Variants in CNNM1 observed in about 807,000 individuals in gnomAD.
CNNM1 encodes metal transporter CNNM1.
A neutral mutation model predicts 78.8 loss-of-function variants in CNNM1; 44 were observed. The ratio of observed to expected loss-of-function variants is 0.56; its 90% CI spans 0.44 to 0.72. CNNM1 has a LOEUF of 0.72. CNNM1 is among the 30% of genes least tolerant of loss of function. The pLI is 0.00. For missense variants in CNNM1, 1,101 were observed against 1,292.2 expected (o/e 0.85, Z 2.27); for synonymous variants, 584 against 581.5 (o/e 1.00, Z -0.06).
chr10:99,335,907 C>G (rs1488816360), intron 1 of CNNM1, among the ~76,000 whole-genome samples: 1 of 152,238 alleles, frequency 6.6e-6, no homozygotes, highest in Middle Eastern at 3.2e-3. Flanking sequence ...CTCTGGTCCT[C>G]TCTTCTTAGA....
chr10:99,371,711 G>T (rs1165712523), intron 6 of CNNM1, among the ~76,000 whole-genome samples: 5 of 152,142 alleles, frequency 3.3e-5, no homozygotes, highest in Admixed American at 3.3e-4. Context: ...GTTCATCTGG[G>T]ATCCTAACTT....
chr10:99,362,667 A>C (rs867785240), intron 4 of CNNM1, among the ~76,000 whole-genome samples: 1 of 152,196 alleles, frequency 6.6e-6, no homozygotes, highest in Non-Finnish European at 1.5e-5. Context: ...GGGGTTCTGC[A>C]TCTAAACTTC....
Position 99,390,336 on chromosome 10 carries a change from T to C in CNNM1, c.2705T>C (p.Leu902Pro), listed in dbSNP as rs938602996. The C allele has an allele frequency of 4.3e-6, 7 of 1,613,234 alleles. No homozygotes were observed. Among genetic ancestry groups the C allele is most frequent in the Non-Finnish European group, 5.9e-6 (7 of 1,179,638 alleles). Residue 902 changes from leucine (L) to proline (P), a missense_variant, in exon 10 of 11, where the codon CTG (leucine) becomes CCG (proline). By Grantham distance (98) the Leu-to-Pro change is moderately conservative. This residue lies in a region of CNNM1 where 348 missense variants were observed against 384.5 expected (regional missense o/e 0.90). Coordinates refer to ENST00000356713, the MANE Select transcript of CNNM1 (RefSeq NM_020348.3). ...GATAGTGAATGTTGTAACATCAACCTGGATACAGAGACCAGCCCCTGCAGT... is the reference window on the plus strand; with the variant it reads ...GATAGTGAATGTTGTAACATCAACCCGGATACAGAGACCAGCCCCTGCAGT... Reference protein sequence around the residue: ...ASDSECCNINLDTETSPCSSD... With the variant: ...ASDSECCNINPDTETSPCSSD...
At chr10:99,381,699 C>T (rs1335604765) in intron 7 of CNNM1, among the ~76,000 whole-genome samples, 3 of 150,734 alleles carry the variant, frequency 2.0e-5, no homozygotes. Flanking sequence ...CCGAGATCGG[C>T]GCCACTGCAC....
rs1268766887 is a variant in CNNM1, at chr10:99,330,089, C to T, written c.702C>T (p.Ala234=). ...CGCTCGGGGCGCTCCTGCTGCTAGC[C>T]TTGTCGGCCCTGTTCAGCGGCCTGC... ...LRALGALLLL[A]LSALFSGLRL... The change falls in exon 1 of 11, where the codon GCC becomes GCT. Residue 234 remains alanine, a synonymous_variant. Coordinates refer to ENST00000356713, the MANE Select transcript of CNNM1 (RefSeq NM_020348.3). 1 of 1,540,086 alleles carries T rather than the reference C, an allele frequency of 6.5e-7. No homozygotes were observed.
At chr10:99,362,427 G>A (rs776671800) in intron 4 of CNNM1, 31 bp downstream of exon 4, 3 of 1,594,886 alleles carry the variant, frequency 1.9e-6, no homozygotes, top group Non-Finnish European at 2.6e-6. Context: ...ACCTCTGAGA[G>A]CCAGAGGAGG....
chr10:99,333,933 C>T (rs1230810485), intron 1 of CNNM1, among the ~76,000 whole-genome samples: 2 of 152,118 alleles, frequency 1.3e-5, no homozygotes, highest in Non-Finnish European at 2.9e-5. Context: ...AGGTAGAGCA[C>T]TAAAGAGAAG....
rs182742018 is a variant in CNNM1 at position 99,377,298 on chromosome 10, A to G, written c.2340+80A>G. On this transcript the variant is annotated intron_variant, in intron 7 of 10. Transcript: ENST00000356713. ...TGAGCGGGACAAGAAGACTACCCCC[A>G]TTCCTAGGAGGGATGTGTGCACCAT... is the stretch of plus-strand genomic sequence containing the variant. The G allele has an allele frequency of 3.0e-6, 4 of 1,353,782 alleles. No homozygotes were observed. In the East Asian group the frequency reaches 7.1e-5, roughly 24 times the overall value. 83.9% of individuals were successfully genotyped at this position (1,353,782 alleles called of 1,614,324 possible).
chr10:99,352,497 G>T (rs2030983390), intron 1 of CNNM1, among the ~76,000 whole-genome samples: 2 of 152,088 alleles, frequency 1.3e-5, no homozygotes, highest in South Asian at 4.2e-4. Context: ...ATGTCTGAGA[G>T]GTTCAATTTT....
rs2134007009 is a variant in CNNM1 at position 99,330,171 on chromosome 10, T to C, written c.784T>C (p.Ser262Pro). 1 of 1,522,614 alleles carries C rather than the reference T, an allele frequency of 6.6e-7. No homozygotes were observed. Among genetic ancestry groups the C allele is most frequent in the Non-Finnish European group, 8.8e-7 (1 of 1,140,466 alleles). 94.3% of individuals were successfully genotyped at this position (1,522,614 alleles called of 1,614,324 possible). ...GTTACGGGTGCTGCGGAACAGCGGC[T>C]CGGCCGCCGAGCAGGAGCAGGCGCG... is the stretch of plus-strand genomic sequence containing the variant. ...VELRVLRNSGSAAEQEQARRV... is the reference protein window; with the variant it reads ...VELRVLRNSGPAAEQEQARRV... Residue 262 changes from serine (S) to proline (P), a missense_variant, in exon 1 of 11, where the codon TCG (serine) becomes CCG (proline). Physicochemically the swap from Ser to Pro is moderately conservative, Grantham distance 74. Around this residue, in one of 3 missense-constraint regions of CNNM1, gnomAD observed 476 missense variants for 484.5 expected, o/e 0.98. Transcript: ENST00000356713.
Position 99,381,667 on chromosome 10 carries a change from A to G in CNNM1, c.2340+4449A>G, listed in dbSNP as rs563249335. Among the ~76,000 whole-genome samples, 28 of 151,536 alleles carry G rather than the reference A, an allele frequency of 1.8e-4. 1 individual carries two copies. In the South Asian group the frequency reaches 3.8e-3, roughly 20 times the overall value. ...TGAGGCAGGAGAATTGCTTGAACCC[A>G]GGAGGCGGAGGTTGCGGTGAGCCGA... is the stretch of plus-strand genomic sequence containing the variant. On this transcript the variant is annotated intron_variant, in intron 7 of 10. Transcript: ENST00000356713.
At chr10:99,383,521 C>G (rs1389903743) in intron 7 of CNNM1, among the ~76,000 whole-genome samples, 1 of 152,190 alleles carries the variant, frequency 6.6e-6, no homozygotes, top group Non-Finnish European at 1.5e-5. Context: ...ATCCGCCCGC[C>G]TCGGCCTCCC....
intron 7 of CNNM1, among the ~76,000 whole-genome samples, chr10:99,383,208 G>A (rs1270694692): frequency 2.6e-5 from 4 of 152,156 alleles, no homozygotes; most frequent in African/African-American, 4.8e-5. Context: ...AAATAATAGT[G>A]ACCAATGCAG....
chr10:99,343,817 C>T (rs1448100820), intron 1 of CNNM1, among the ~76,000 whole-genome samples: 5 of 151,876 alleles, frequency 3.3e-5, no homozygotes, highest in Non-Finnish European at 7.4e-5. Flanking sequence ...TGGGTTCAAG[C>T]GATTCTCCTG....
At chr10:99,365,271 T>C (rs191530687) in intron 6 of CNNM1, 1 of 582,848 alleles carries the variant, frequency 1.7e-6, no homozygotes, top group Non-Finnish European at 3.1e-6. Flanking sequence ...GCACTGCTTA[T>C]TGCCACCTTC....
At chr10:99,348,043 T>C (rs1320218697) in intron 1 of CNNM1, among the ~76,000 whole-genome samples, 2 of 120,778 alleles carry the variant, frequency 1.7e-5, no homozygotes, top group African/African-American at 1.0e-4. Flanking sequence ...TGTGTGTATA[T>C]ATATATATTT....
At chr10:99,346,491 A>G (rs1170467971) in intron 1 of CNNM1, among the ~76,000 whole-genome samples, 2 of 152,178 alleles carry the variant, frequency 1.3e-5, no homozygotes, top group African/African-American at 4.8e-5. Context: ...TATGACCTCT[A>G]AATGTTACAG....
At chr10:99,364,902 G>A in intron 5 of CNNM1, 53 bp from the exon 6 acceptor site, 1 of 1,553,412 alleles carries the variant, frequency 6.4e-7, no homozygotes, top group Non-Finnish European at 8.8e-7. Context: ...ATTCCCATAA[G>A]AAGTGTGTTT....
intron 7 of CNNM1, 53 bp from the exon 8 acceptor site, chr10:99,387,767 A>C: frequency 6.7e-7 from 1 of 1,495,856 alleles, no homozygotes; most frequent in Non-Finnish European, 8.9e-7. Context: ...GGCTGGCTGC[A>C]TCCGGGTGGT....
Sources: gnomAD v4.1 joint callset for allele counts (sites outside exome capture counted in the v4.1 genomes callset) on GRCh38, gnomAD v4.1.1 for gene constraint, gnomAD v4.1.1 regional missense constraint, MANE v1.5 for transcripts, NCBI Gene and HGNC (gene_info 2026-07-23, HGNC 2026-07-21) for gene names.